The following DHX30 variants were observed in gnomAD, a reference collection of about 807,000 sequenced individuals.
The protein encoded by DHX30 is ATP-dependent RNA helicase DHX30.
Under a neutral mutation model 116.9 loss-of-function variants are expected in DHX30, and 4 were observed. The observed-to-expected ratio is 0.03, with a 90% CI of 0.02 to 0.08. The LOEUF (loss-of-function observed/expected upper bound fraction) is 0.08, where lower values mean the gene tolerates loss of function less well. Ranked by LOEUF, DHX30 falls within the 10% of genes least tolerant of loss-of-function variation. The pLI, the probability that DHX30 is intolerant of heterozygous loss-of-function variation, is 1.00. For missense variants in DHX30, 871 were observed against 1,595.1 expected (o/e 0.55, Z 7.73); for synonymous variants, 697 against 651.7 (o/e 1.07, Z -1.06).
Position 47,845,858 on chromosome 3 carries a change from A to G in DHX30, c.1092+6A>G. The G allele has an allele frequency of 6.3e-7, 1 of 1,594,518 alleles. No homozygotes were observed. Among genetic ancestry groups the G allele is most frequent in the Non-Finnish European group, 8.6e-7 (1 of 1,164,626 alleles). ...TAGAGACCTTCCTGAACCATGTAAG[A>G]GGCCCTGCATCCCTCACCACCCCTG... On this transcript the variant is annotated splice_donor_region_variant and intron_variant, in intron 10 of 21. Transcript: ENST00000445061.
chr3:47,843,908 C>T (rs1292056005), intron 9 of DHX30, among the ~76,000 whole-genome samples: 4 of 152,214 alleles, frequency 2.6e-5, no homozygotes, highest in African/African-American at 2.4e-5. Context: ...CACTGTGTTG[C>T]GAAGACTGGT....
chr3:47,848,085 G>A lies in DHX30; in HGVS notation c.2287-95G>A. The A allele has an allele frequency of 1.9e-6, 3 of 1,585,104 alleles. No individual in the cohort carries two copies. Among genetic ancestry groups the A allele is most frequent in the Admixed American group, 3.4e-5 (2 of 59,402 alleles). On this transcript the variant is annotated intron_variant, in intron 14 of 21. Transcript: ENST00000445061. This position sits in a 1 kb window ranked among gnomAD's most constrained non-coding sequence, Gnocchi z 9.4. ...AAGGCCGCGCTTGTGGGGTCTCAGT[G>A]TTCCTGATGTAGGGGGCTGGTGAGG... is the stretch of plus-strand genomic sequence containing the variant.
intron 4 of DHX30, among the ~76,000 whole-genome samples, chr3:47,820,733 G>A (rs1411251869): frequency 1.3e-5 from 2 of 152,106 alleles, no homozygotes; most frequent in Non-Finnish European, 2.9e-5. Flanking sequence ...TGTAGTACCA[G>A]ATGTCATCCC....
At chr3:47,834,983 G>T (rs2037037205) in intron 6 of DHX30, among the ~76,000 whole-genome samples, 1 of 151,702 alleles carries the variant, frequency 6.6e-6, no homozygotes. Context: ...TTAATTTTTT[G>T]AGGAACTTCT....
At chr3:47,821,190 A>G (rs1576475768) in intron 4 of DHX30, among the ~76,000 whole-genome samples, 1 of 152,244 alleles carries the variant, frequency 6.6e-6, no homozygotes. Flanking sequence ...TCCTGGGCTC[A>G]AGTGATTTGC....
chr3:47,848,189 C>T lies in DHX30; in HGVS notation c.2296C>T (p.Leu766=). 1 of 1,613,742 alleles carries T rather than the reference C, an allele frequency of 6.2e-7. No individual in the cohort carries two copies. Residue 766 remains leucine, a synonymous_variant, in exon 15 of 22, where the codon CTG becomes TTG. Transcript: ENST00000445061. The surrounding 1 kb of genome is among the most constrained non-coding windows in gnomAD (Gnocchi z 9.4). ...TTGCCACCTCCTCCAGGTGTCCTGCCTGGAGACAGTGTGGGTATCAAGAGC... is the reference window on the plus strand; with the variant it reads ...TTGCCACCTCCTCCAGGTGTCCTGCTTGGAGACAGTGTGGGTATCAAGAGC... The part of the protein sequence containing the change: ...RYDLKTKVSC[L]ETVWVSRANV...
chr3:47,805,894 A>G (rs1445703406), intron 2 of DHX30, among the ~76,000 whole-genome samples: 2 of 152,188 alleles, frequency 1.3e-5, no homozygotes, highest in African/African-American at 2.4e-5. Flanking sequence ...ACCATCCCCA[A>G]GTGACTCTAC....
chr3:47,843,664 G>T (rs2107120988), intron 9 of DHX30, among the ~76,000 whole-genome samples: 1 of 152,310 alleles, frequency 6.6e-6, no homozygotes, highest in Non-Finnish European at 1.5e-5. Context: ...GATTGAGGAA[G>T]CAGTCAGGAT....
rs762329546 is a variant in DHX30, at chr3:47,829,056, C to T, written c.288C>T (p.Ser96=). ...KVTLHIKWPK[S]VEVEGYGSKK... is the part of the protein sequence containing the mutation. Reference sequence around the variant, plus strand: ...CACTGCACATAAAATGGCCCAAGAGCGTGGAGGTAGAAGGCTATGGCAGCA... The same window carrying T: ...CACTGCACATAAAATGGCCCAAGAGTGTGGAGGTAGAAGGCTATGGCAGCA... Residue 96 remains serine, a synonymous_variant, in exon 6 of 22, where the codon AGC becomes AGT. Transcript: ENST00000445061. 8.7e-6 allele frequency: 14 copies of T among 1,609,710 alleles called. No homozygotes were observed. Among genetic ancestry groups the T allele is most frequent in the South Asian group, 3.3e-5 (3 of 90,522 alleles).
chr3:47,822,306 G>A (rs2036332109), intron 4 of DHX30: 2 of 152,592 alleles, frequency 1.3e-5, no homozygotes, highest in African/African-American at 2.4e-5. Context: ...AATAGGAAAA[G>A]GGGACTGCAT....
chr3:47,827,217 A>T (rs548731401), intron 4 of DHX30, 130 bp from the exon 5 acceptor site: 4 of 838,960 alleles, frequency 4.8e-6, no homozygotes, highest in South Asian at 4.0e-5. Flanking sequence ...CTTTTCCAAG[A>T]TGCTCCTGGG....
intron 2 of DHX30, among the ~76,000 whole-genome samples, chr3:47,808,416 C>T (rs1393124002): frequency 1.3e-5 from 2 of 151,864 alleles, no homozygotes; most frequent in East Asian, 3.9e-4. Flanking sequence ...TGCGGTCTCA[C>T]TATGTTGCCC....
intron 6 of DHX30, among the ~76,000 whole-genome samples, 180 bp downstream of exon 6, chr3:47,829,314 A>ATATATATTTTT (rs1177077114): frequency 1.2e-4 from 4 of 34,192 alleles, no homozygotes; most frequent in African/African-American, 4.5e-4. Context: ...ATATATATAT[A>ATATATATTTTT]TTTTTTTTTT....
intron 7 of DHX30, 35 bp from the exon 8 acceptor site, chr3:47,841,582 G>A (rs753991930): frequency 1.2e-6 from 2 of 1,613,818 alleles, no homozygotes; most frequent in Non-Finnish European, 1.7e-6. Context: ...TCCAGGAAGA[G>A]AGAATTCTTT....
chr3:47,806,070 C>A (rs963836743), intron 2 of DHX30, among the ~76,000 whole-genome samples: 6 of 151,948 alleles, frequency 3.9e-5, no homozygotes, highest in Admixed American at 3.9e-4. Flanking sequence ...TGGCTCACTG[C>A]AACCTCCACC....
intron 3 of DHX30, among the ~76,000 whole-genome samples, chr3:47,811,767 A>C (rs953286954): frequency 6.6e-6 from 1 of 152,012 alleles, no homozygotes; most frequent in Non-Finnish European, 1.5e-5. Context: ...GGTGCCACAC[A>C]ATTTAAACAA....
At chr3:47,839,730 C>T (rs1288397981) in intron 6 of DHX30, among the ~76,000 whole-genome samples, 2 of 152,070 alleles carry the variant, frequency 1.3e-5, no homozygotes, top group Non-Finnish European at 2.9e-5. Flanking sequence ...GGCTGGAGTG[C>T]AGCAGCCCCA....
At chr3:47,814,893 T>A (rs561827884) in intron 3 of DHX30, among the ~76,000 whole-genome samples, 75 of 151,814 alleles carry the variant, frequency 4.9e-4, no homozygotes, top group African/African-American at 1.8e-3. Flanking sequence ...AAAAATAATT[T>A]TTTTTTTTTT....
intron 2 of DHX30, among the ~76,000 whole-genome samples, chr3:47,808,336 C>G (rs951176474): frequency 4.6e-5 from 7 of 151,682 alleles, no homozygotes; most frequent in Non-Finnish European, 8.8e-5. Context: ...CCTGCCTCAG[C>G]CTCCTGAGTA....
Sources: allele counts gnomAD v4.1 joint callset (sites outside exome capture counted in the v4.1 genomes callset), GRCh38; gene constraint gnomAD v4.1.1; non-coding constraint Gnocchi (gnomAD v3.1); transcripts MANE v1.5; gene names NCBI Gene and HGNC (gene_info 2026-07-23, HGNC 2026-07-21).